DDIAS: variants seen among roughly 807,000 people sequenced by gnomAD.
The protein encoded by DDIAS is DNA damage-induced apoptosis suppressor protein.
DDIAS carries 14 observed loss-of-function variants against 15.7 expected under a neutral mutation model. The ratio of observed to expected loss-of-function variants is 0.89; its 90% confidence interval spans 0.59 to 1.39. The LOEUF (loss-of-function observed/expected upper bound fraction) is 1.39, where lower values mean the gene tolerates loss of function less well. Ranked by LOEUF, DDIAS falls within the 40% of genes most tolerant of loss-of-function variation. DDIAS has a pLI of 0.00. For synonymous variants in DDIAS, 355 were observed against 395.9 expected (o/e 0.90, Z 1.23); for missense variants, 1,035 against 1,130.9 (o/e 0.92, Z 1.22).
At chr11:82,908,335 C>T (rs75885816) in intron 1 of DDIAS, among the ~76,000 whole-genome samples, 11,322 of 152,188 alleles carry the variant, frequency 0.074, 912 homozygotes, top group African/African-American at 0.19. Flanking sequence ...TGACCCAGGG[C>T]TGCACAGACC....
At chr11:82,912,211 A>G (rs980271362) in intron 1 of DDIAS, among the ~76,000 whole-genome samples, 9 of 152,190 alleles carry the variant, frequency 5.9e-5, no homozygotes, top group African/African-American at 2.2e-4. Flanking sequence ...GAAGCCTTGA[A>G]GCCAGGCACT....
chr11:82,903,612 C>T (rs1010572980), intron 1 of DDIAS, among the ~76,000 whole-genome samples: 1 of 152,146 alleles, frequency 6.6e-6, no homozygotes, highest in Non-Finnish European at 1.5e-5. Context: ...TCCTGCCTGC[C>T]TCTCTTACTT....
chr11:82,910,451 G>T (rs752956031), intron 1 of DDIAS, among the ~76,000 whole-genome samples: 1 of 151,482 alleles, frequency 6.6e-6, no homozygotes, highest in Non-Finnish European at 1.5e-5. Flanking sequence ...GTATATTTTT[G>T]ATAGAGATGG....
chr11:82,903,889 C>G (rs1338732269), intron 1 of DDIAS, among the ~76,000 whole-genome samples: 1 of 152,212 alleles, frequency 6.6e-6, no homozygotes, highest in Admixed American at 6.5e-5. Context: ...AAAAATTAGT[C>G]ATACTTTCTT....
intron 3 of DDIAS, among the ~76,000 whole-genome samples, chr11:82,923,271 T>C (rs1471745197): frequency 1.3e-5 from 2 of 152,358 alleles, no homozygotes; most frequent in Admixed American, 6.5e-5. Context: ...ATGATCTAAA[T>C]CCTGGTGCTT....
chr11:82,905,577 T>C (rs1860411900), intron 1 of DDIAS, among the ~76,000 whole-genome samples: 1 of 152,184 alleles, frequency 6.6e-6, no homozygotes, highest in Non-Finnish European at 1.5e-5. Flanking sequence ...ATTCCTCCCA[T>C]CAAAAACTAA....
chr11:82,906,856 TA>T (rs771359906), intron 1 of DDIAS, among the ~76,000 whole-genome samples: 13 of 152,320 alleles, frequency 8.5e-5, no homozygotes, highest in Non-Finnish European at 1.8e-4. Flanking sequence ...TTGTGTTTTA[TA>T]TTTAACGCTA....
chr11:82,928,056 G>A (rs987832395), intron 3 of DDIAS, among the ~76,000 whole-genome samples: 2 of 151,522 alleles, frequency 1.3e-5, no homozygotes, highest in Non-Finnish European at 2.9e-5. Context: ...TTTATAATCT[G>A]ATAAGTTATC....
intron 3 of DDIAS, among the ~76,000 whole-genome samples, chr11:82,923,977 C>CT (rs1204052862): frequency 1.3e-5 from 2 of 152,150 alleles, no homozygotes; most frequent in Admixed American, 6.5e-5. Context: ...TTCTGGGTGA[C>CT]TAATGGGACC....
At chr11:82,919,785 G>A (rs1365680880) in intron 3 of DDIAS, among the ~76,000 whole-genome samples, 1 of 152,194 alleles carries the variant, frequency 6.6e-6, no homozygotes, top group Non-Finnish European at 1.5e-5. Context: ...AGGCTGGAGT[G>A]CAGTGGCGTG....
rs1861034851 is a variant in DDIAS, at chr11:82,933,053, T to A, written c.1715T>A (p.Leu572Gln). The A allele has an allele frequency of 1.2e-6, 2 of 1,604,170 alleles. No individual in the cohort carries two copies. The highest frequency in any genetic ancestry group is 2.7e-5 in the African/African-American group (2 of 74,814). ...CACAGGGAGAGTGACCATTCTAGTC[T>A]AAATAACAAATATTTGAATGGATGT... ...SPHRESDHSS[L>Q]NNKYLNGCGE... Residue 572 changes from leucine to glutamine, a missense_variant, in exon 6 of 6, where the codon CTA becomes CAA. Leu to Gln is a moderately radical substitution (Grantham distance 113). Transcript: ENST00000533655.
chr11:82,919,469 T>C (rs1860699795), intron 3 of DDIAS, among the ~76,000 whole-genome samples: 1 of 152,252 alleles, frequency 6.6e-6, no homozygotes, highest in Non-Finnish European at 1.5e-5. Flanking sequence ...TGGTGGATTA[T>C]CTTTTTGATA....
At chr11:82,912,588 G>A (rs914867908) in intron 1 of DDIAS, among the ~76,000 whole-genome samples, 2 of 152,090 alleles carry the variant, frequency 1.3e-5, no homozygotes, top group Non-Finnish European at 2.9e-5. Context: ...TGGCTCGTTT[G>A]ATCTTCTATC....
At chr11:82,925,824 TA>T (rs1860848811) in intron 3 of DDIAS, among the ~76,000 whole-genome samples, 1 of 151,544 alleles carries the variant, frequency 6.6e-6, no homozygotes, top group South Asian at 2.1e-4. Flanking sequence ...CTGCCTCTAC[TA>T]AAAATACAAA....
intron 1 of DDIAS, among the ~76,000 whole-genome samples, chr11:82,912,431 G>A (rs997287152): frequency 6.6e-6 from 1 of 152,114 alleles, no homozygotes; most frequent in Non-Finnish European, 1.5e-5. Context: ...ATGTTTTGGA[G>A]GTGGCTTCTT....
rs1283436055 is a variant in DDIAS, at chr11:82,919,901, A to AT, written c.113+5055dup. Among the ~76,000 whole-genome samples the AT allele has an allele frequency of 1.3e-5, 2 of 152,022 alleles. 1 individual carries two copies. Among genetic ancestry groups the AT allele is most frequent in the South Asian group, 4.2e-4 (2 of 4,808 alleles). On this transcript the variant is annotated intron_variant, in intron 3 of 5. Coordinates refer to ENST00000533655, the MANE Select transcript of DDIAS (RefSeq NM_145018.4). ...CCACCATGCCCAGCTAATCTTTTGT[A>AT]TTTTTAGTAGACAGGGTTTCACGGT...
rs751806625 is a variant in DDIAS, at chr11:82,934,383, G to A, written c.*48G>A. The A allele has an allele frequency of 6.6e-7, 1 of 1,510,410 alleles. No homozygotes were observed. The highest frequency in any genetic ancestry group is 1.4e-5 in the South Asian group (1 of 73,644). The allele number at this position is 1,510,410 out of a possible 1,614,324, so 93.6% of individuals were successfully genotyped here. On this transcript the variant is annotated 3_prime_UTR_variant, in exon 6 of 6. Transcript: ENST00000533655. Reference sequence around the variant, plus strand: ...TGAACTTTTAAATCTGTTTGGAAATGTTTGCCTTCAGGGGTACGGAAAGCA... The same window carrying A: ...TGAACTTTTAAATCTGTTTGGAAATATTTGCCTTCAGGGGTACGGAAAGCA...
Position 82,914,660 on chromosome 11 carries a change from GA to G in DDIAS, c.-16-59del. 7.6e-6 allele frequency: 6 copies of G among 787,654 alleles called. No individual in the cohort carries two copies. The South Asian group carries it at 1.0e-4, about 14-fold the overall frequency. 48.8% of individuals were successfully genotyped at this position (787,654 alleles called of 1,614,324 possible). Reference sequence around the variant, plus strand: ...AGTAGAGGTTAAGTGGTTTTCCTAAGAAAAGAATATGCACTGCAATGAAAGA... The same window carrying G: ...AGTAGAGGTTAAGTGGTTTTCCTAAGAAAGAATATGCACTGCAATGAAAGA... On this transcript the variant is annotated intron_variant, in intron 2 of 5. Coordinates refer to ENST00000533655, the MANE Select transcript of DDIAS (RefSeq NM_145018.4).
chr11:82,905,494 C>G (rs1860409781), intron 1 of DDIAS, among the ~76,000 whole-genome samples: 1 of 152,016 alleles, frequency 6.6e-6, no homozygotes, highest in Non-Finnish European at 1.5e-5. Context: ...TCGCCCTTAA[C>G]ACTACCACCC....
Sources: allele counts gnomAD v4.1 joint callset (sites outside exome capture counted in the v4.1 genomes callset), GRCh38; gene constraint gnomAD v4.1.1; transcripts MANE v1.5; gene names NCBI Gene and HGNC (gene_info 2026-07-23, HGNC 2026-07-21).